The following SLC4A10 variants were observed in gnomAD, a reference collection of about 807,000 sequenced individuals.
SLC4A10 encodes sodium-driven chloride bicarbonate exchanger.
In SLC4A10, 42 loss-of-function variants were observed where a neutral mutation model predicts 137.7. The ratio of observed to expected loss-of-function variants is 0.30; its 90% CI spans 0.24 to 0.39. The LOEUF is 0.39. Among genes scored for constraint, SLC4A10 ranks in the 10% least tolerant of loss-of-function variants. The pLI, the probability that SLC4A10 is intolerant of heterozygous loss-of-function variation, is 1.00. For synonymous variants in SLC4A10, 474 were observed against 464.1 expected, an observed-to-expected ratio of 1.02 and a Z score of -0.27; for missense variants, 925 against 1,355.0, an observed-to-expected ratio of 0.68 and a Z score of 4.98.
chr2:161,925,449 T>C, intron 15 of SLC4A10, among the ~76,000 whole-genome samples: 1 of 152,210 alleles, frequency 6.6e-6, no homozygotes, highest in East Asian at 1.9e-4. Flanking sequence ...TCTTTTCTTC[T>C]TTATTAGTCT....
At chr2:161,652,835 C>A (rs1472503601) in intron 1 of SLC4A10, among the ~76,000 whole-genome samples, 1 of 131,716 alleles carries the variant, frequency 7.6e-6, no homozygotes, top group Non-Finnish European at 1.6e-5. Flanking sequence ...ATGCTTCATA[C>A]AACTGCAGAA....
At chr2:161,885,286 TA>T (rs11295062) in intron 10 of SLC4A10, among the ~76,000 whole-genome samples, 49,582 of 151,922 alleles carry the variant, frequency 0.33, 8,425 homozygotes, top group Admixed American at 0.4. Flanking sequence ...TTACTTTGGT[TA>T]AAAAAAATAG....
At chr2:161,766,440 C>T (rs2050805117) in intron 1 of SLC4A10, among the ~76,000 whole-genome samples, 1 of 152,028 alleles carries the variant, frequency 6.6e-6, no homozygotes, top group Admixed American at 6.6e-5. Context: ...GGGAAAACAT[C>T]TTCTGGCCTT....
chr2:161,963,688 T>C (rs1264101800), intron 21 of SLC4A10, among the ~76,000 whole-genome samples: 1 of 152,116 alleles, frequency 6.6e-6, no homozygotes, highest in African/African-American at 2.4e-5. Context: ...CATTAGCAAG[T>C]CTGTGAAAGT....
chr2:161,960,871 T>TAAAGCA (rs1696580644), intron 21 of SLC4A10, among the ~76,000 whole-genome samples: 2 of 152,198 alleles, frequency 1.3e-5, no homozygotes, highest in African/African-American at 4.8e-5. Flanking sequence ...TATCTTGCTT[T>TAAAGCA]AGGCTTCTGG....
intron 15 of SLC4A10, among the ~76,000 whole-genome samples, chr2:161,930,849 A>G (rs1364440018): frequency 6.6e-6 from 1 of 152,198 alleles, no homozygotes; most frequent in Non-Finnish European, 1.5e-5. Context: ...AGCAAAGTTG[A>G]CAAAGTAGAT....
intron 15 of SLC4A10, among the ~76,000 whole-genome samples, chr2:161,915,026 A>T (rs779049838): frequency 5.9e-5 from 9 of 151,952 alleles, no homozygotes; most frequent in Non-Finnish European, 1.0e-4. Context: ...CTTTTTTACC[A>T]ATCAAATGTT....
intron 2 of SLC4A10, among the ~76,000 whole-genome samples, chr2:161,801,246 A>G (rs190367656): frequency 1.8e-3 from 272 of 151,206 alleles, no homozygotes; most frequent in Non-Finnish European, 2.8e-3. Flanking sequence ...TAACTTTTCT[A>G]CTTGTTTCTT....
intron 19 of SLC4A10, among the ~76,000 whole-genome samples, chr2:161,956,044 G>A (rs1477485363): frequency 6.6e-6 from 1 of 152,104 alleles, no homozygotes; most frequent in Non-Finnish European, 1.5e-5. Flanking sequence ...CTGATCTTAA[G>A]AAACATATTA....
chr2:161,808,162 A>G (rs2056188660), intron 3 of SLC4A10, among the ~76,000 whole-genome samples: 2 of 152,124 alleles, frequency 1.3e-5, no homozygotes, highest in African/African-American at 4.8e-5. Context: ...TTAGTTCTTT[A>G]AAATGCTTAA....
At chr2:161,867,643 A>G (rs2060844062) in intron 6 of SLC4A10, among the ~76,000 whole-genome samples, 1 of 151,968 alleles carries the variant, frequency 6.6e-6, no homozygotes, top group South Asian at 2.1e-4. Flanking sequence ...GTTATTTCTT[A>G]TATTGCATTA....
chr2:161,906,077 C>T (rs1684278961), intron 15 of SLC4A10, among the ~76,000 whole-genome samples, 190 bp downstream of exon 15: 2 of 152,182 alleles, frequency 1.3e-5, no homozygotes, highest in Non-Finnish European at 2.9e-5. Flanking sequence ...TACTTGCATT[C>T]TCATTATACC....
chr2:161,783,338 C>G (rs1302678860), intron 2 of SLC4A10, among the ~76,000 whole-genome samples: 5 of 151,836 alleles, frequency 3.3e-5, no homozygotes, highest in Admixed American at 2.0e-4. Context: ...TCATCACCAC[C>G]AGACCTCCCT....
chr2:161,766,751 C>G (rs926925744), intron 1 of SLC4A10, among the ~76,000 whole-genome samples: 1 of 150,420 alleles, frequency 6.6e-6, no homozygotes, highest in Admixed American at 6.6e-5. Context: ...TTTTCTGTTG[C>G]TTTTATTGCT....
chr2:161,706,230 T>C (rs1252443278), intron 1 of SLC4A10, among the ~76,000 whole-genome samples: 24 of 151,634 alleles, frequency 1.6e-4, no homozygotes, highest in Non-Finnish European at 3.0e-5. Context: ...GGATTATATA[T>C]ACTAATTAAT....
chr2:161,747,423 G>A (rs2048502288), intron 1 of SLC4A10, among the ~76,000 whole-genome samples: 1 of 152,010 alleles, frequency 6.6e-6, no homozygotes, highest in South Asian at 2.1e-4. Context: ...CACTGCCAGG[G>A]GATGGGGGAG....
At chr2:161,788,925 C>T (rs1367271692) in intron 2 of SLC4A10, among the ~76,000 whole-genome samples, 2 of 152,340 alleles carry the variant, frequency 1.3e-5, no homozygotes, top group East Asian at 1.9e-4. Flanking sequence ...GCATCCACAA[C>T]AGTGCCTGCA....
chr2:161,817,110 T>C (rs1396879309), intron 3 of SLC4A10, among the ~76,000 whole-genome samples: 1 of 152,184 alleles, frequency 6.6e-6, no homozygotes, highest in African/African-American at 2.4e-5. Context: ...TGTAAAAGTG[T>C]TCCTATTTCT....
chr2:161,659,442 T>C (rs2037997756), intron 1 of SLC4A10, among the ~76,000 whole-genome samples: 1 of 152,086 alleles, frequency 6.6e-6, no homozygotes, highest in South Asian at 2.1e-4. Context: ...GTACAGTGTA[T>C]ATTTTTCAGG....
Sources: allele counts gnomAD v4.1 joint callset (sites outside exome capture counted in the v4.1 genomes callset), GRCh38; gene constraint gnomAD v4.1.1; transcripts MANE v1.5; gene names NCBI Gene and HGNC (gene_info 2026-07-23, HGNC 2026-07-21).